The following SPAG16 variants were observed in gnomAD, a reference collection of about 807,000 sequenced individuals.
SPAG16 encodes sperm-associated antigen 16 protein.
A neutral mutation model predicts 80.4 loss-of-function variants in SPAG16; 86 were observed. The ratio of observed to expected loss-of-function variants is 1.07; its 90% confidence interval spans 0.90 to 1.28. SPAG16 has a LOEUF of 1.28. SPAG16 is among the 50% of genes most tolerant of loss of function. The pLI is 0.00. For missense variants in SPAG16, 870 were observed against 765.3 expected (o/e 1.14, Z -1.61); for synonymous variants, 294 against 265.9 (o/e 1.11, Z -1.03).
chr2:214,240,856 A>T (rs1015672486), intron 15 of SPAG16: 2 of 152,206 alleles, frequency 1.3e-5, no homozygotes, highest in East Asian at 3.9e-4. Flanking sequence ...ATGCTGAAAA[A>T]GTTCATAATC....
At chr2:214,218,391 T>A (rs2125768774) in intron 15 of SPAG16, among the ~76,000 whole-genome samples, 1 of 152,188 alleles carries the variant, frequency 6.6e-6, no homozygotes, top group South Asian at 2.1e-4. Flanking sequence ...CAGCACTGGT[T>A]TGTGCCAAAT....
intron 10 of SPAG16, among the ~76,000 whole-genome samples, chr2:213,548,798 T>A (rs1013401038): frequency 6.6e-6 from 1 of 152,102 alleles, no homozygotes; most frequent in African/African-American, 2.4e-5. Flanking sequence ...ATCTTTCGAG[T>A]TTGCTTATAG....
Position 213,900,233 on chromosome 2 carries a change from C to A in SPAG16, c.1215-29727C>A, listed in dbSNP as rs2077163127. On this transcript the variant is annotated intron_variant, in intron 11 of 15. Transcript: ENST00000331683. ...AAAGAAGACAGAGAAGCAGATGCAT[C>A]ACAGGGGGGATTTTTCACTGCAAGA... Among the ~76,000 whole-genome samples, 4 of 152,178 alleles carry A rather than the reference C, an allele frequency of 2.6e-5. 1 individual carries two copies. The South Asian group carries it at 8.3e-4, about 32-fold the overall frequency.
chr2:214,243,946 G>C (rs1252599619), intron 15 of SPAG16, among the ~76,000 whole-genome samples: 1 of 152,016 alleles, frequency 6.6e-6, no homozygotes, highest in East Asian at 1.9e-4. Flanking sequence ...ATATACGACA[G>C]AAAGACAGGA....
At chr2:213,836,464 G>T (rs1030386759) in intron 10 of SPAG16, among the ~76,000 whole-genome samples, 3 of 151,894 alleles carry the variant, frequency 2.0e-5, no homozygotes, top group Admixed American at 6.6e-5. Flanking sequence ...CATTTGCATT[G>T]GTTGTTATGA....
chr2:214,232,102 G>A (rs1267552767), intron 15 of SPAG16, among the ~76,000 whole-genome samples: 2 of 151,758 alleles, frequency 1.3e-5, no homozygotes. Context: ...GTACTACCCT[G>A]CACTAACAGC....
Position 214,278,924 on chromosome 2 carries a change from CAAGT to C in SPAG16, c.1720+129659_1720+129662del, listed in dbSNP as rs1017095131. ...CTGTGATTACAGACATTACCGCAAG[CAAGT>C]GATTCAAACACCACTTTTCCTGTGT... On this transcript the variant is annotated intron_variant, in intron 15 of 15. Coordinates refer to ENST00000331683, the MANE Select transcript of SPAG16 (RefSeq NM_024532.5). 1.4e-4 allele frequency among the ~76,000 whole-genome samples: 21 copies of C among 152,278 alleles called. 1 individual carries two copies. The highest frequency in any genetic ancestry group is 2.9e-4 in the African/African-American group (12 of 41,548).
chr2:214,163,245 G>C (rs1271358010), intron 15 of SPAG16, among the ~76,000 whole-genome samples: 1 of 151,668 alleles, frequency 6.6e-6, no homozygotes, highest in Non-Finnish European at 1.5e-5. Flanking sequence ...TTTGCCTTAA[G>C]TTCTATTTTA....
intron 10 of SPAG16, among the ~76,000 whole-genome samples, chr2:213,703,402 CCAA>C (rs1165792593): frequency 2.0e-5 from 3 of 152,182 alleles, no homozygotes; most frequent in African/African-American, 7.2e-5. Flanking sequence ...AGAGAGAGCA[CCAA>C]CGTTTTAAAG....
At chr2:213,933,839 G>A (rs563792497) in intron 12 of SPAG16, among the ~76,000 whole-genome samples, 33 of 152,282 alleles carry the variant, frequency 2.2e-4, no homozygotes, top group African/African-American at 7.7e-4. Flanking sequence ...GTGGCATTGC[G>A]TTGCCTGGAA....
chr2:213,827,797 A>T (rs1012746350), intron 10 of SPAG16, among the ~76,000 whole-genome samples: 2 of 144,608 alleles, frequency 1.4e-5, no homozygotes, highest in African/African-American at 2.8e-5. Context: ...ATTCTAGGAT[A>T]TTTTTTTTTT....
At chr2:213,419,381 T>C (rs1223678843) in intron 9 of SPAG16, among the ~76,000 whole-genome samples, 1 of 152,188 alleles carries the variant, frequency 6.6e-6, no homozygotes, top group Non-Finnish European at 1.5e-5. Context: ...CGCTCCTCAT[T>C]ATGCTGCCTT....
chr2:213,686,192 C>G (rs1323597658), intron 10 of SPAG16, among the ~76,000 whole-genome samples: 1 of 152,180 alleles, frequency 6.6e-6, no homozygotes, highest in Non-Finnish European at 1.5e-5. Context: ...GATCTTGGCT[C>G]ACTTCAACCT....
intron 10 of SPAG16, among the ~76,000 whole-genome samples, chr2:213,513,428 T>C (rs1036403367): frequency 7.2e-5 from 11 of 152,188 alleles, no homozygotes; most frequent in African/African-American, 2.7e-4. Flanking sequence ...ATAAAATAAG[T>C]TTATTTCTCA....
intron 12 of SPAG16, among the ~76,000 whole-genome samples, chr2:213,964,300 A>G (rs1362322526): frequency 1.3e-5 from 2 of 152,138 alleles, no homozygotes. Context: ...TACCTTTTAT[A>G]ATCATCTCTA....
chr2:213,795,625 G>C (rs878911133), intron 10 of SPAG16, among the ~76,000 whole-genome samples: 3 of 152,172 alleles, frequency 2.0e-5, no homozygotes, highest in Non-Finnish European at 4.4e-5. Flanking sequence ...GTAATCCTCA[G>C]TGTTAGAGGT....
At chr2:214,123,503 C>T (rs1277066658) in intron 14 of SPAG16, among the ~76,000 whole-genome samples, 1 of 151,952 alleles carries the variant, frequency 6.6e-6, no homozygotes, top group Non-Finnish European at 1.5e-5. Context: ...CTTAGCAACC[C>T]TTTACATCAA....
At chr2:214,146,231 C>T (rs575328679) in intron 14 of SPAG16, among the ~76,000 whole-genome samples, 3 of 152,312 alleles carry the variant, frequency 2.0e-5, no homozygotes, top group Non-Finnish European at 2.9e-5. Context: ...CCACATCTCT[C>T]CATCTCCACA....
chr2:214,063,391 G>A (rs2050377407), intron 13 of SPAG16, among the ~76,000 whole-genome samples: 2 of 152,162 alleles, frequency 1.3e-5, no homozygotes, highest in African/African-American at 2.4e-5. Context: ...CCAAGATCAA[G>A]GTGCTGGTGA....
Sources: allele counts gnomAD v4.1 joint callset (sites outside exome capture counted in the v4.1 genomes callset), GRCh38; gene constraint gnomAD v4.1.1; transcripts MANE v1.5; gene names NCBI Gene and HGNC (gene_info 2026-07-23, HGNC 2026-07-21).